The following BMPR2 variants were observed in gnomAD, a reference collection of about 807,000 sequenced individuals.
BMPR2 encodes the protein bone morphogenetic protein receptor type-2.
Under a neutral mutation model 100.8 loss-of-function variants are expected in BMPR2, and 29 were observed. That is an observed-to-expected ratio of 0.29 (90% CI 0.21 to 0.39). BMPR2 has a LOEUF of 0.39. Among genes scored for constraint, BMPR2 ranks in the 10% least tolerant of loss-of-function variants. BMPR2 has a pLI of 1.00. For synonymous variants in BMPR2, 382 were observed against 442.3 expected (o/e 0.86, Z 1.71); for missense variants, 1,011 against 1,274.5 (o/e 0.79, Z 3.15).
At chr2:202,462,777 A>T (rs1022658387) in intron 1 of BMPR2, among the ~76,000 whole-genome samples, 1 of 151,334 alleles carries the variant, frequency 6.6e-6, no homozygotes, top group Non-Finnish European at 1.5e-5. Context: ...CAGTGGTGCG[A>T]TCTCAGCTCA....
intron 1 of BMPR2, among the ~76,000 whole-genome samples, chr2:202,384,530 CTCTTTCTT>C (rs202188126): frequency 9.3e-6 from 1 of 107,602 alleles, no homozygotes; most frequent in Admixed American, 9.8e-5. Context: ...TTCTTTCTTT[CTCTTTCTT>C]TCTTTCTTTC....
intron 1 of BMPR2, among the ~76,000 whole-genome samples, chr2:202,427,761 T>A (rs562149213): frequency 7.9e-5 from 12 of 152,148 alleles, no homozygotes; most frequent in Non-Finnish European, 1.6e-4. Flanking sequence ...GTGGATTGCT[T>A]GAGCTCAGGA....
At chr2:202,526,267 C>CT (rs1687910233) in intron 7 of BMPR2, among the ~76,000 whole-genome samples, 1 of 152,158 alleles carries the variant, frequency 6.6e-6, no homozygotes, top group Non-Finnish European at 1.5e-5. Flanking sequence ...TGTCTTTGTG[C>CT]TTTCTTCTAC....
At position 202,519,065 on chromosome 2, in the gene BMPR2, T is replaced by G; in HGVS notation, c.852+13T>G. ...GTACTATCCCAATGTAAGTTCTTCA[T>G]AGAAAATAAACTGAGGCCAGGTGTG... On this transcript the variant is annotated intron_variant, in intron 6 of 12. Transcript: ENST00000374580. 6.2e-7 allele frequency: 1 copy of G among 1,612,200 alleles called. No homozygotes were observed. Among genetic ancestry groups the G allele is most frequent in the Non-Finnish European group, 8.5e-7 (1 of 1,178,532 alleles).
chr2:202,446,459 A>G (rs559324033), intron 1 of BMPR2, among the ~76,000 whole-genome samples: 1 of 150,596 alleles, frequency 6.6e-6, no homozygotes, highest in South Asian at 2.1e-4. Flanking sequence ...AGATATGCAT[A>G]ATAATTTTTA....
chr2:202,387,904 G>A lies in BMPR2; in HGVS notation c.76+10354G>A, dbSNP rs1236708187. Among the ~76,000 whole-genome samples the A allele has an allele frequency of 1.3e-5, 2 of 152,204 alleles. 1 individual carries two copies. The highest frequency in any genetic ancestry group is 4.8e-5 in the African/African-American group (2 of 41,446). ...AAGGCAAGATTAAAAACAGTCAAAT[G>A]ATATGAAGAGATGAATTTATTCATG... is the stretch of plus-strand genomic sequence containing the variant. On this transcript the variant is annotated intron_variant, in intron 1 of 12. Transcript: ENST00000374580.
intron 1 of BMPR2, among the ~76,000 whole-genome samples, chr2:202,438,120 C>G (rs772969861): frequency 6.7e-6 from 1 of 149,794 alleles, no homozygotes; most frequent in Non-Finnish European, 1.5e-5. Context: ...TCGAGACCAC[C>G]CTGACCAACA....
chr2:202,499,325 C>T (rs1037599713), intron 3 of BMPR2, among the ~76,000 whole-genome samples: 3 of 152,068 alleles, frequency 2.0e-5, no homozygotes, highest in South Asian at 2.1e-4. Flanking sequence ...AGCTGCAGCC[C>T]GAGAGTTTGG....
At chr2:202,419,510 C>T (rs1424233304) in intron 1 of BMPR2, among the ~76,000 whole-genome samples, 3 of 152,096 alleles carry the variant, frequency 2.0e-5, no homozygotes, top group African/African-American at 4.8e-5. Context: ...GCGCGTGCCA[C>T]CATGCTTGGC....
At chr2:202,496,084 CTA>C (rs1693021192) in intron 3 of BMPR2, among the ~76,000 whole-genome samples, 1 of 152,194 alleles carries the variant, frequency 6.6e-6, no homozygotes, top group Non-Finnish European at 1.5e-5. Context: ...GGAACCTACT[CTA>C]TGATTAAAAT....
At chr2:202,383,012 A>G (rs192271395) in intron 1 of BMPR2, among the ~76,000 whole-genome samples, 70 of 152,328 alleles carry the variant, frequency 4.6e-4, no homozygotes, top group Admixed American at 7.8e-4. Flanking sequence ...CTATAACTTT[A>G]TTTCTACTTT....
At chr2:202,404,051 A>G (rs1690828422) in intron 1 of BMPR2, among the ~76,000 whole-genome samples, 1 of 151,646 alleles carries the variant, frequency 6.6e-6, no homozygotes, top group South Asian at 2.1e-4. Flanking sequence ...TACTTTCTAT[A>G]TTTTATATTT....
At chr2:202,484,836 G>C (rs1254240700) in intron 3 of BMPR2, among the ~76,000 whole-genome samples, 1 of 151,224 alleles carries the variant, frequency 6.6e-6, no homozygotes. Flanking sequence ...AGGCGTGGTG[G>C]CGGTTGCCTG....
In BMPR2 at chr2:202,544,359, G is replaced by A. The variant is rs563790755; in HGVS notation, c.1413+1912G>A. Reference sequence around the variant, plus strand: ...TGGTAAACATTATGAATCCTTGCATGTTTAAAAATGTTTTTATCTTGCCCT... The same window carrying A: ...TGGTAAACATTATGAATCCTTGCATATTTAAAAATGTTTTTATCTTGCCCT... On this transcript the variant is annotated intron_variant, in intron 10 of 12. Coordinates refer to ENST00000374580, the MANE Select transcript of BMPR2 (RefSeq NM_001204.7). Among the ~76,000 whole-genome samples the A allele has an allele frequency of 9.2e-5, 14 of 152,252 alleles. No individual in the cohort carries two copies. In the East Asian group the frequency reaches 2.7e-3, roughly 29 times the overall value.
At chr2:202,536,662 C>CAAGGTGTTCAAGGAGTTCAAGACCA (rs1688164852) in intron 9 of BMPR2, among the ~76,000 whole-genome samples, 1 of 151,872 alleles carries the variant, frequency 6.6e-6, no homozygotes, top group South Asian at 2.1e-4. Context: ...CACCTGAGGT[C>CAAGGTGTTCAAGGAGTTCAAGACCA]GGGAGTTCAA....
intron 9 of BMPR2, among the ~76,000 whole-genome samples, chr2:202,536,890 A>AG (rs1205946457): frequency 6.8e-6 from 1 of 147,944 alleles, no homozygotes; most frequent in Non-Finnish European, 1.5e-5. Context: ...AAAAAAAAAA[A>AG]GAAGTACTTT....
intron 1 of BMPR2, among the ~76,000 whole-genome samples, chr2:202,448,475 A>T (rs990930259): frequency 1.3e-5 from 2 of 150,558 alleles, no homozygotes; most frequent in Non-Finnish European, 3.0e-5. Context: ...AAAAATAAAA[A>T]AAAAAAAGTG....
chr2:202,510,866 A>G lies in BMPR2; in HGVS notation c.419-2853A>G, dbSNP rs1574484839. ...CAGCTAATTTTTGTCTTTTTAGTAG[A>G]GCTGTGGTTTCACCATGTTGGTCAG... On this transcript the variant is annotated intron_variant, in intron 3 of 12. Coordinates refer to ENST00000374580, the MANE Select transcript of BMPR2 (RefSeq NM_001204.7). 3.3e-5 allele frequency among the ~76,000 whole-genome samples: 5 copies of G among 151,522 alleles called. No individual in the cohort carries two copies. The South Asian group carries it at 1.0e-3, about 32-fold the overall frequency.
intron 1 of BMPR2, among the ~76,000 whole-genome samples, chr2:202,382,279 C>T (rs971628452): frequency 4.6e-5 from 7 of 152,042 alleles, no homozygotes; most frequent in African/African-American, 1.4e-4. Flanking sequence ...AGGCCGGTCT[C>T]GAACTCCTGA....
Sources: gnomAD v4.1 joint callset for allele counts (sites outside exome capture counted in the v4.1 genomes callset) on GRCh38, gnomAD v4.1.1 for gene constraint, MANE v1.5 for transcripts, NCBI Gene and HGNC (gene_info 2026-07-23, HGNC 2026-07-21) for gene names.